The following RUFY4 variants were observed in gnomAD, a reference collection of about 807,000 sequenced individuals.
The protein encoded by RUFY4 is RUN and FYVE domain containing 4, also known as RUN and FYVE domain-containing protein 4.
Under a neutral mutation model 69.0 loss-of-function variants are expected in RUFY4, and 73 were observed. The observed-to-expected ratio is 1.06, with a 90% confidence interval of 0.88 to 1.29. The LOEUF is 1.29. RUFY4 is among the 50% of genes most tolerant of loss of function. The pLI is 0.00. For missense variants in RUFY4, 770 were observed against 705.6 expected (o/e 1.09, Z -1.03); for synonymous variants, 287 against 271.8 (o/e 1.06, Z -0.55).
intron 2 of RUFY4, among the ~76,000 whole-genome samples, chr2:218,071,350 A>T (rs961577152): frequency 1.3e-5 from 2 of 151,922 alleles, no homozygotes; most frequent in African/African-American, 4.8e-5. Context: ...CCTGCCACTC[A>T]TCTACTGCAC....
At chr2:218,062,247 A>T (rs183189832) in intron 3 of RUFY4, among the ~76,000 whole-genome samples, 452 of 151,034 alleles carry the variant, frequency 3.0e-3, no homozygotes, top group African/African-American at 8.0e-3. Flanking sequence ...AAAATATTTT[A>T]AAAAAAAAAT....
At chr2:218,039,566 T>A (rs897732668) in intron 2 of RUFY4, among the ~76,000 whole-genome samples, 112 of 152,274 alleles carry the variant, frequency 7.4e-4, no homozygotes, top group African/African-American at 2.6e-3. Context: ...AGGGTTCATG[T>A]TATAATGGAG....
intron 2 of RUFY4, among the ~76,000 whole-genome samples, chr2:218,051,618 T>C (rs1382441260): frequency 4.0e-5 from 6 of 150,552 alleles, no homozygotes; most frequent in Non-Finnish European, 7.4e-5. Flanking sequence ...GTAATGAGAC[T>C]TTAAGAAAAT....
intron 2 of RUFY4, among the ~76,000 whole-genome samples, chr2:218,043,839 G>C (rs7582506): frequency 0.56 from 84,764 of 152,110 alleles, 25,641 homozygotes; most frequent in African/African-American, 0.78. Flanking sequence ...AGGCTGCTCA[G>C]ACGAAGGGGC....
At chr2:218,074,350 T>C (rs1285509411) in intron 6 of RUFY4, among the ~76,000 whole-genome samples, 1 of 152,056 alleles carries the variant, frequency 6.6e-6, no homozygotes, top group African/African-American at 2.4e-5. Context: ...TCCTGCCCCA[T>C]AGGGATATTG....
At chr2:218,040,929 T>C (rs1195385391) in intron 2 of RUFY4, among the ~76,000 whole-genome samples, 2 of 151,930 alleles carry the variant, frequency 1.3e-5, no homozygotes, top group Non-Finnish European at 2.9e-5. Context: ...GAATGAGAAC[T>C]AGATGCTGGA....
intron 2 of RUFY4, among the ~76,000 whole-genome samples, chr2:218,040,230 G>T (rs1423224545): frequency 2.0e-5 from 3 of 152,172 alleles, no homozygotes; most frequent in Non-Finnish European, 4.4e-5. Flanking sequence ...ATGGACCCTG[G>T]CAGTCTCTAA....
chr2:218,059,637 G>A lies in RUFY4; in HGVS notation c.-1071+956G>A, dbSNP rs1265550173. The A allele has an allele frequency of 3.6e-5, 6 of 167,008 alleles. No homozygotes were observed. In the East Asian group the frequency reaches 1.2e-3, roughly 32 times the overall value. The allele number at this position is 167,008 out of a possible 1,614,324, so 10.3% of individuals were successfully genotyped here. On this transcript the variant is annotated intron_variant and NMD_transcript_variant, in intron 3 of 13. Transcript: ENST00000457754. ...TTCAGGCTGAAGGATACTTCGTTAT[G>A]TACATATCACATTTTGCTTAGCCAT...
chr2:218,075,970 T>G (rs544751696), intron 7 of RUFY4, among the ~76,000 whole-genome samples: 1 of 152,210 alleles, frequency 6.6e-6, no homozygotes, highest in Non-Finnish European at 1.5e-5. Flanking sequence ...CGGCAATACT[T>G]CTTGCCCAGC....
At chr2:218,073,154 G>A (rs1374377134) in intron 4 of RUFY4, 89 bp from the exon 7 acceptor site, 6 of 1,412,256 alleles carry the variant, frequency 4.2e-6, no homozygotes, top group Non-Finnish European at 5.7e-6. Flanking sequence ...AGGCTGCTTT[G>A]TTGAGGTTGA....
In RUFY4 at chr2:218,060,946, G is replaced by A. The variant is rs186536896; in HGVS notation, c.-1071+2265G>A. On this transcript the variant is annotated intron_variant and NMD_transcript_variant, in intron 3 of 13. Transcript: ENST00000457754. ...AGACATATGAACTTGACCAAGTGGC[G>A]CTGCTGGGTCAGTGTGCGTGTGGCA... The A allele has an allele frequency of 3.6e-4, 310 of 872,476 alleles. 2 individuals are homozygous for A. The highest frequency in any genetic ancestry group is 1.7e-3 in the Middle Eastern group (8 of 4,602). The allele number at this position is 872,476 out of a possible 1,614,324, so 54.0% of individuals were successfully genotyped here.
chr2:218,067,333 G>A (rs1018730957), upstream of RUFY4, among the ~76,000 whole-genome samples: 7 of 152,226 alleles, frequency 4.6e-5, no homozygotes, highest in Admixed American at 3.3e-4. Flanking sequence ...AGGAATAGGG[G>A]CATGGAAGTA....
chr2:218,044,915 T>C (rs1688792310), intron 2 of RUFY4, among the ~76,000 whole-genome samples: 1 of 152,238 alleles, frequency 6.6e-6, no homozygotes, highest in Non-Finnish European at 1.5e-5. Flanking sequence ...TGTAGCTGTG[T>C]CTTTATAATG....
At chr2:218,079,819 G>A (rs563021965) in intron 8 of RUFY4, among the ~76,000 whole-genome samples, 1 of 152,144 alleles carries the variant, frequency 6.6e-6, no homozygotes, top group Non-Finnish European at 1.5e-5. Flanking sequence ...TTCTACAATG[G>A]CCATGAGCAG....
rs118160244 is a variant in RUFY4 at position 218,089,673 on chromosome 2, C to T, written c.1614-279C>T. On this transcript the variant is annotated intron_variant, in intron 10 of 10. Transcript: ENST00000344321. ...CAGCGTAAGCTGCTCCCCCTCCTTCCTCTGTGAGCACAGTGCTAGGACCAG... is the reference window on the plus strand; with the variant it reads ...CAGCGTAAGCTGCTCCCCCTCCTTCTTCTGTGAGCACAGTGCTAGGACCAG... 217 of 703,170 alleles carry T rather than the reference C, an allele frequency of 3.1e-4. No individual in the cohort carries two copies. In the East Asian group the frequency reaches 3.6e-3, roughly 12 times the overall value. The allele number at this position is 703,170 out of a possible 1,614,324, so 43.6% of individuals were successfully genotyped here.
intron 2 of RUFY4, among the ~76,000 whole-genome samples, chr2:218,071,989 T>A (rs1223963467): frequency 1.3e-5 from 2 of 152,170 alleles, no homozygotes; most frequent in Non-Finnish European, 2.9e-5. Context: ...TTGAGGAGAA[T>A]GAGTACCCAG....
chr2:218,052,206 T>C (rs1688958801), intron 2 of RUFY4, among the ~76,000 whole-genome samples: 1 of 152,208 alleles, frequency 6.6e-6, no homozygotes, highest in African/African-American at 2.4e-5. Context: ...TTTCTTTTTT[T>C]ATTTCAGACT....
intron 3 of RUFY4, chr2:218,060,090 G>A: frequency 3.0e-6 from 1 of 335,356 alleles, no homozygotes; most frequent in Non-Finnish European, 5.7e-6. Context: ...AGAGTGCCAT[G>A]AGCTCAAGGG....
intron 3 of RUFY4, among the ~76,000 whole-genome samples, chr2:218,058,956 A>G (rs1689123722): frequency 6.6e-6 from 1 of 152,184 alleles, no homozygotes; most frequent in South Asian, 2.1e-4. Context: ...GGTCTGCAGC[A>G]GGAAGCTTGG....
Sources: allele counts gnomAD v4.1 joint callset (sites outside exome capture counted in the v4.1 genomes callset), GRCh38; gene constraint gnomAD v4.1.1; transcripts MANE v1.5; gene names NCBI Gene and HGNC (gene_info 2026-07-23, HGNC 2026-07-21).